CACNA1C: variants seen among roughly 807,000 people sequenced by gnomAD.
The protein encoded by CACNA1C is calcium voltage-gated channel subunit alpha1 C.
CACNA1C carries 30 observed loss-of-function variants against 229.0 expected under a neutral mutation model. That is an observed-to-expected ratio of 0.13 (90% CI 0.10 to 0.18). CACNA1C has a LOEUF of 0.18. CACNA1C is among the 10% of genes least tolerant of loss of function. The probability of loss-of-function intolerance (pLI) is 1.00; values close to 1 mark genes in which losing one functional copy is unlikely to be tolerated. For synonymous variants in CACNA1C, 1,114 were observed against 1,132.5 expected, an observed-to-expected ratio of 0.98 and a Z score of 0.33; for missense variants, 1,658 against 2,845.0, an observed-to-expected ratio of 0.58 and a Z score of 9.49.
intron 3 of CACNA1C, 32 bp from the exon 4 acceptor site, chr12:2,448,944 A>AT (rs1263630091): frequency 6.3e-7 from 1 of 1,581,870 alleles, no homozygotes; most frequent in Admixed American, 1.7e-5. Context: ...CCAATGACTT[A>AT]TTTTTCTCTC....
chr12:2,158,232 A>G (rs2095650138), intron 3 of CACNA1C, among the ~76,000 whole-genome samples: 1 of 152,234 alleles, frequency 6.6e-6, no homozygotes. Flanking sequence ...AAACAGGCCT[A>G]TCCCAAGGGT....
At chr12:2,117,066 C>T (rs548842099) in intron 2 of CACNA1C, among the ~76,000 whole-genome samples, 2 of 152,274 alleles carry the variant, frequency 1.3e-5, no homozygotes, top group East Asian at 3.9e-4. Flanking sequence ...GTCAGGAGTT[C>T]GAGACCAGCC....
chr12:2,207,626 A>G (rs1365388834), intron 3 of CACNA1C, among the ~76,000 whole-genome samples: 1 of 152,160 alleles, frequency 6.6e-6, no homozygotes, highest in Non-Finnish European at 1.5e-5. Context: ...CCTGGGCAAC[A>G]TAGCAACACC....
intron 3 of CACNA1C, among the ~76,000 whole-genome samples, chr12:2,396,637 C>T (rs1377994473): frequency 6.6e-6 from 1 of 152,244 alleles, no homozygotes; most frequent in African/African-American, 2.4e-5. Context: ...CCAGGACTTG[C>T]CTTGTCACCA....
chr12:2,465,569 TCGTGAGAGC>T (rs1016618938), intron 5 of CACNA1C, among the ~76,000 whole-genome samples: 37 of 151,852 alleles, frequency 2.4e-4, no homozygotes, highest in Non-Finnish European at 4.9e-4. Flanking sequence ...GAAGTATGGG[TCGTGAGAGC>T]CAGGAGACAA....
intron 1 of CACNA1C, among the ~76,000 whole-genome samples, chr12:2,064,607 G>A (rs1331759091): frequency 2.6e-5 from 4 of 152,168 alleles, no homozygotes; most frequent in Non-Finnish European, 5.9e-5. Flanking sequence ...AGGCAAAAAC[G>A]TGAGAAGAAA....
At chr12:2,582,688 G>A (rs2060973336) in intron 14 of CACNA1C, 134 bp from the exon 15 acceptor site, 2 of 865,636 alleles carry the variant, frequency 2.3e-6, no homozygotes, top group Non-Finnish European at 3.6e-6. Flanking sequence ...GGAGAATTGG[G>A]GGCCAGGAGG....
chr12:2,338,356 G>A (rs2096762915), intron 3 of CACNA1C, among the ~76,000 whole-genome samples: 1 of 152,150 alleles, frequency 6.6e-6, no homozygotes, highest in Admixed American at 6.5e-5. Flanking sequence ...CCCAGGGTGG[G>A]CGCCTTGTGC....
intron 1 of CACNA1C, among the ~76,000 whole-genome samples, chr12:2,061,757 G>A (rs1379396181): frequency 6.6e-6 from 1 of 152,212 alleles, no homozygotes; most frequent in Non-Finnish European, 1.5e-5. Context: ...CACCACCTGG[G>A]CAACCAATGT....
intron 1 of CACNA1C, among the ~76,000 whole-genome samples, chr12:2,042,936 T>C (rs2154494997): frequency 6.6e-6 from 1 of 152,292 alleles, no homozygotes. Context: ...TCAATATAAA[T>C]ACAAGCATAA....
chr12:2,264,383 C>T (rs1016739559), intron 3 of CACNA1C, among the ~76,000 whole-genome samples: 1 of 152,182 alleles, frequency 6.6e-6, no homozygotes, highest in Non-Finnish European at 1.5e-5. Flanking sequence ...CTTGATTAGA[C>T]CTGCAGAATG....
rs1218990959 is a variant in CACNA1C at position 2,457,224 on chromosome 12, C to T, written c.618-343C>T. ...GGGCGCTAGGATACCATGGAGAAGC[C>T]GGAGGGCTCCTCAAGGAGATAAGGA... On this transcript the variant is annotated intron_variant, in intron 4 of 46. Transcript: ENST00000399655. Among the ~76,000 whole-genome samples the T allele has an allele frequency of 3.3e-5, 5 of 152,182 alleles. No individual in the cohort carries two copies. The East Asian group carries it at 5.8e-4, about 18-fold the overall frequency.
rs569883540 is a variant in CACNA1C, at chr12:2,486,523, C to T, written c.916+261C>T. On this transcript the variant is annotated intron_variant, in intron 6 of 46. Coordinates refer to ENST00000399655, the MANE Select transcript of CACNA1C (RefSeq NM_000719.7). The surrounding 1 kb of genome is among the most constrained non-coding windows in gnomAD (Gnocchi z 4.9). The stretch of plus-strand genomic sequence containing the variant: ...TCAATAAGCTACACAATTTGAGAAA[C>T]ATTTGAATAACTTAGAACCTATCTT... Among the ~76,000 whole-genome samples the T allele has an allele frequency of 6.6e-6, 1 of 152,320 alleles. No individual in the cohort carries two copies. The highest frequency in any genetic ancestry group is 2.4e-5 in the African/African-American group (1 of 41,570).
chr12:2,452,370 G>A (rs2099386754), intron 4 of CACNA1C, among the ~76,000 whole-genome samples: 2 of 152,154 alleles, frequency 1.3e-5, no homozygotes, highest in African/African-American at 2.4e-5. Context: ...GGATCCTCAG[G>A]AGGTTCCACG....
intron 38 of CACNA1C, 147 bp downstream of exon 38, chr12:2,669,182 G>T (rs558071531): frequency 1.4e-5 from 9 of 662,280 alleles, no homozygotes; most frequent in Middle Eastern, 2.7e-4. Flanking sequence ...TGCGCTCCAG[G>T]ACATCGCAGG....
intron 4 of CACNA1C, 104 bp from the exon 5 acceptor site, chr12:2,457,463 C>CG: frequency 1.6e-6 from 2 of 1,264,174 alleles, no homozygotes; most frequent in Non-Finnish European, 2.2e-6. Flanking sequence ...GGGCTGGAGA[C>CG]GCCTGCGCAA....
At chr12:2,205,991 C>A (rs1036369864) in intron 3 of CACNA1C, among the ~76,000 whole-genome samples, 1 of 152,170 alleles carries the variant, frequency 6.6e-6, no homozygotes, top group Non-Finnish European at 1.5e-5. Flanking sequence ...CCCCCAATAT[C>A]ATCACACTGG....
intron 1 of CACNA1C, among the ~76,000 whole-genome samples, chr12:2,113,232 C>T (rs1291788434): frequency 6.6e-6 from 1 of 152,206 alleles, no homozygotes; most frequent in East Asian, 1.9e-4. Flanking sequence ...GCCTCTGGGG[C>T]AGGCTCTCTC....
intron 3 of CACNA1C, among the ~76,000 whole-genome samples, chr12:2,200,500 CAA>C (rs2097550214): frequency 6.6e-6 from 1 of 152,160 alleles, no homozygotes; most frequent in African/African-American, 2.4e-5. Flanking sequence ...AGCCCCACAA[CAA>C]AGAATCATCT....
Sources: gnomAD v4.1 joint callset for allele counts (sites outside exome capture counted in the v4.1 genomes callset) on GRCh38, gnomAD v4.1.1 for gene constraint, Gnocchi (gnomAD v3.1) non-coding constraint, MANE v1.5 for transcripts, NCBI Gene and HGNC (gene_info 2026-07-23, HGNC 2026-07-21) for gene names.